The following KIF26B variants were observed in gnomAD, a reference collection of about 807,000 sequenced individuals.
The protein encoded by KIF26B is kinesin-like protein KIF26B.
Under a neutral mutation model 151.2 loss-of-function variants are expected in KIF26B, and 63 were observed. The ratio of observed to expected loss-of-function variants is 0.42; its 90% CI spans 0.34 to 0.51. The LOEUF is 0.51. Among genes scored for constraint, KIF26B ranks in the 20% least tolerant of loss-of-function variants. The probability of loss-of-function intolerance (pLI) is 0.07; values close to 1 mark genes in which losing one functional copy is unlikely to be tolerated. For missense variants in KIF26B, 2,813 were observed against 2,913.6 expected, an observed-to-expected ratio of 0.97 and a Z score of 0.79; for synonymous variants, 1,357 against 1,262.1, an observed-to-expected ratio of 1.08 and a Z score of -1.59.
intron 2 of KIF26B, among the ~76,000 whole-genome samples, chr1:245,286,016 GGAAAAGAAAAAA>G (rs1274888979): frequency 6.6e-5 from 9 of 135,884 alleles, no homozygotes; most frequent in Admixed American, 1.5e-4. Context: ...AAAAAAAAAA[GGAAAAGAAAAAA>G]GAAAAGAAAA....
chr1:245,278,946 G>T (rs1348413069), intron 2 of KIF26B, among the ~76,000 whole-genome samples: 3 of 152,146 alleles, frequency 2.0e-5, no homozygotes, highest in Non-Finnish European at 4.4e-5. Context: ...TTTCAAAACA[G>T]CTGGACACTA....
chr1:245,417,876 AT>A (rs146159461), intron 3 of KIF26B, among the ~76,000 whole-genome samples: 10,155 of 152,210 alleles, frequency 0.067, 464 homozygotes, highest in Non-Finnish European at 0.11. Flanking sequence ...TTCCCTCCAA[AT>A]TTTAGATGAG....
intron 3 of KIF26B, among the ~76,000 whole-genome samples, chr1:245,413,248 A>C (rs1354514799): frequency 6.6e-6 from 1 of 152,196 alleles, no homozygotes; most frequent in Non-Finnish European, 1.5e-5. Context: ...GGGTTTTCAA[A>C]CATGTTAGAT....
At chr1:245,626,658 AT>A (rs1395991620) in intron 9 of KIF26B, among the ~76,000 whole-genome samples, 5 of 151,788 alleles carry the variant, frequency 3.3e-5, no homozygotes, top group South Asian at 2.1e-4. Context: ...GCTTGCAAAT[AT>A]TTTTTTTCCA....
chr1:245,353,522 C>T (rs1672616068), intron 2 of KIF26B, among the ~76,000 whole-genome samples: 1 of 152,126 alleles, frequency 6.6e-6, no homozygotes, highest in African/African-American at 2.4e-5. Flanking sequence ...TCCTCATTGC[C>T]CTGCAGCCAC....
intron 5 of KIF26B, among the ~76,000 whole-genome samples, chr1:245,594,157 A>C (rs899460637): frequency 6.6e-6 from 1 of 152,144 alleles, no homozygotes; most frequent in Non-Finnish European, 1.5e-5. Context: ...TGCTGTGCAG[A>C]AGCTCTTAGT....
intron 2 of KIF26B, among the ~76,000 whole-genome samples, chr1:245,235,056 C>T (rs971787927): frequency 2.6e-5 from 4 of 152,268 alleles, no homozygotes; most frequent in Non-Finnish European, 4.4e-5. Flanking sequence ...GTCCCTTCGG[C>T]CTCCTCCTCT....
Position 245,609,510 on chromosome 1 carries a change from C to T in KIF26B, c.1896C>T (p.Asp632=), listed in dbSNP as rs2043496528. The T allele has an allele frequency of 6.4e-7, 1 of 1,564,800 alleles. No individual in the cohort carries two copies. The part of the protein sequence containing the change: ...GQSPGVYLCE[D]PICGTQLQNQ... Reference sequence around the variant, plus strand: ...CCCCGGGCGTGTACCTCTGTGAGGACCCCATCTGCGGCACGCAGGTGATTG... The same window carrying T: ...CCCCGGGCGTGTACCTCTGTGAGGATCCCATCTGCGGCACGCAGGTGATTG... The change falls in exon 8 of 15, where the codon GAC becomes GAT. Residue 632 remains aspartate, a synonymous_variant. Coordinates refer to ENST00000407071, the MANE Select transcript of KIF26B (RefSeq NM_018012.4).
intron 4 of KIF26B, among the ~76,000 whole-genome samples, chr1:245,433,930 C>G (rs902961308): frequency 6.6e-6 from 1 of 152,020 alleles, no homozygotes; most frequent in African/African-American, 2.4e-5. Flanking sequence ...AAGAGAAATT[C>G]TCTTGGGGGT....
At chr1:245,571,706 G>A (rs569773449) in intron 5 of KIF26B, among the ~76,000 whole-genome samples, 12 of 152,264 alleles carry the variant, frequency 7.9e-5, no homozygotes, top group African/African-American at 1.9e-4. Flanking sequence ...CTGTATTGTC[G>A]CTTTTGTTTC....
At chr1:245,323,719 A>C (rs928330252) in intron 2 of KIF26B, among the ~76,000 whole-genome samples, 1 of 152,250 alleles carries the variant, frequency 6.6e-6, no homozygotes, top group African/African-American at 2.4e-5. Context: ...TTAATTTGTT[A>C]ACTAATTAAT....
At position 245,177,303 on chromosome 1, in the gene KIF26B, C is replaced by T. The variant is rs550273905; in HGVS notation, c.465+20620C>T. The stretch of plus-strand genomic sequence containing the variant: ...CCCTGCCTTTATTGATTCCTACTTC[C>T]GCCTAGGATAACACTATCTCTTAAA... On this transcript the variant is annotated intron_variant, in intron 2 of 14. Coordinates refer to ENST00000407071, the MANE Select transcript of KIF26B (RefSeq NM_018012.4). Among the ~76,000 whole-genome samples the T allele has an allele frequency of 7.2e-5, 11 of 152,276 alleles. No individual in the cohort carries two copies. In the South Asian group the frequency reaches 1.7e-3, roughly 23 times the overall value.
chr1:245,326,902 G>A (rs1672000623), intron 2 of KIF26B, among the ~76,000 whole-genome samples: 1 of 152,178 alleles, frequency 6.6e-6, no homozygotes, highest in African/African-American at 2.4e-5. Context: ...AGAGGCCAAG[G>A]GATTAGTGGG....
At chr1:245,317,890 CG>C (rs1025027882) in intron 2 of KIF26B, among the ~76,000 whole-genome samples, 1 of 152,174 alleles carries the variant, frequency 6.6e-6, no homozygotes, top group African/African-American at 2.4e-5. Context: ...AGTTTGCTAA[CG>C]TAGAGTGGCC....
intron 2 of KIF26B, among the ~76,000 whole-genome samples, chr1:245,325,652 G>A (rs1342080271): frequency 2.6e-5 from 4 of 151,968 alleles, no homozygotes; most frequent in East Asian, 1.9e-4. Context: ...CAGAGGTTGC[G>A]GTGAGCCAAG....
chr1:245,527,339 A>C (rs1023113149), intron 4 of KIF26B, among the ~76,000 whole-genome samples: 14 of 152,064 alleles, frequency 9.2e-5, no homozygotes, highest in Admixed American at 9.2e-4. Flanking sequence ...TGAGGAATGG[A>C]CTTTAATTAG....
chr1:245,374,125 ATATATATATATATG>A (rs1558141414), intron 3 of KIF26B, among the ~76,000 whole-genome samples: 3 of 98,660 alleles, frequency 3.0e-5, no homozygotes, highest in African/African-American at 7.3e-5. Context: ...ATATATATAT[ATATATATATATATG>A]GGCACAAAAG....
At chr1:245,306,706 C>T (rs900645511) in intron 2 of KIF26B, among the ~76,000 whole-genome samples, 1 of 152,078 alleles carries the variant, frequency 6.6e-6, no homozygotes, top group East Asian at 1.9e-4. Context: ...TGCCATAATT[C>T]GTCAAACTGG....
chr1:245,432,601 T>C (rs1658806854), intron 4 of KIF26B, among the ~76,000 whole-genome samples: 1 of 152,234 alleles, frequency 6.6e-6, no homozygotes, highest in Admixed American at 6.5e-5. Flanking sequence ...TCCCCCTGCT[T>C]TGATTTATTA....
Sources: gnomAD v4.1 joint callset for allele counts (sites outside exome capture counted in the v4.1 genomes callset) on GRCh38, gnomAD v4.1.1 for gene constraint, MANE v1.5 for transcripts, NCBI Gene and HGNC (gene_info 2026-07-23, HGNC 2026-07-21) for gene names.